The following DSE variants were observed in gnomAD, a reference collection of about 807,000 sequenced individuals.
DSE encodes dermatan sulfate epimerase, also known as dermatan-sulfate epimerase.
A neutral mutation model predicts 84.4 loss-of-function variants in DSE; 36 were observed. The ratio of observed to expected loss-of-function variants is 0.43; its 90% confidence interval spans 0.33 to 0.56. The LOEUF (loss-of-function observed/expected upper bound fraction) is 0.56, where lower values mean the gene tolerates loss of function less well. Among genes scored for constraint, DSE ranks in the 20% least tolerant of loss-of-function variants. The pLI, the probability that DSE is intolerant of heterozygous loss-of-function variation, is 0.06. For missense variants in DSE, 862 were observed against 1,169.6 expected, an observed-to-expected ratio of 0.74 and a Z score of 3.84; for synonymous variants, 410 against 430.1, an observed-to-expected ratio of 0.95 and a Z score of 0.58.
At chr6:116,307,469 A>G (rs1261062372) in intron 2 of DSE, among the ~76,000 whole-genome samples, 1 of 152,246 alleles carries the variant, frequency 6.6e-6, no homozygotes, top group Non-Finnish European at 1.5e-5. Flanking sequence ...AAACATTCTG[A>G]AAAGAACCTT....
intron 2 of DSE, chr6:116,278,387 A>C: frequency 8.3e-7 from 1 of 1,211,484 alleles, no homozygotes; most frequent in East Asian, 2.4e-5. Flanking sequence ...GAATATCCAA[A>C]GGAAACAGGG....
intron 1 of DSE, among the ~76,000 whole-genome samples, chr6:116,388,882 A>G (rs1249104403): frequency 6.6e-6 from 1 of 152,164 alleles, no homozygotes; most frequent in African/African-American, 2.4e-5. Flanking sequence ...TATTTAGCTG[A>G]AAGTTATAAA....
At chr6:116,313,128 C>T (rs753370054) in intron 2 of DSE, among the ~76,000 whole-genome samples, 5 of 152,058 alleles carry the variant, frequency 3.3e-5, no homozygotes, top group South Asian at 2.1e-4. Context: ...ACAGGAAGAA[C>T]GCCATGTAAA....
At chr6:116,320,641 G>A (rs563439701) in intron 2 of DSE, among the ~76,000 whole-genome samples, 126 of 152,188 alleles carry the variant, frequency 8.3e-4, no homozygotes, top group Non-Finnish European at 1.0e-3. Context: ...TCAAGATCAA[G>A]GTACCAGCAG....
At chr6:116,424,328 G>A (rs1315200855) in intron 2 of DSE, among the ~76,000 whole-genome samples, 1 of 152,194 alleles carries the variant, frequency 6.6e-6, no homozygotes, top group Non-Finnish European at 1.5e-5. Context: ...ACACACACTG[G>A]CAAGCTGACT....
At chr6:116,418,927 A>G (rs1051189012) in intron 2 of DSE, among the ~76,000 whole-genome samples, 2 of 152,242 alleles carry the variant, frequency 1.3e-5, no homozygotes, top group Admixed American at 1.3e-4. Flanking sequence ...AGAAGATGAA[A>G]TGACACAATG....
At chr6:116,409,527 C>T (rs1782174257) in intron 2 of DSE, among the ~76,000 whole-genome samples, 1 of 152,158 alleles carries the variant, frequency 6.6e-6, no homozygotes, top group African/African-American at 2.4e-5. Context: ...GATCCGCCCA[C>T]CTTGGCCTCC....
chr6:116,289,022 A>G (rs1399714926), intron 2 of DSE, among the ~76,000 whole-genome samples: 1 of 152,038 alleles, frequency 6.6e-6, no homozygotes, highest in Non-Finnish European at 1.5e-5. Flanking sequence ...GATAATCCAA[A>G]TATTATGTTG....
chr6:116,385,315 G>A (rs958344401), intron 1 of DSE, among the ~76,000 whole-genome samples: 3 of 152,136 alleles, frequency 2.0e-5, no homozygotes, highest in Non-Finnish European at 4.4e-5. Context: ...CTCTGAATTA[G>A]GATTGAACAG....
chr6:116,387,328 T>A (rs1350293098), intron 1 of DSE, among the ~76,000 whole-genome samples: 1 of 151,778 alleles, frequency 6.6e-6, no homozygotes, highest in Non-Finnish European at 1.5e-5. Context: ...GGTGAGAAAA[T>A]TGGAATGAAA....
chr6:116,258,349 C>T, intron 1 of DSE: 1 of 583,600 alleles, frequency 1.7e-6, no homozygotes, highest in Non-Finnish European at 3.1e-6. Context: ...TTTATAACTC[C>T]CTTTTCCTTT....
intron 2 of DSE, 147 bp downstream of exon 2, chr6:116,399,813 T>A: frequency 1.4e-6 from 1 of 734,242 alleles, no homozygotes; most frequent in Non-Finnish European, 2.2e-6. Flanking sequence ...GTTGCCAGTC[T>A]TATGAATGGC....
chr6:116,425,609 A>ATTTTTAT lies in DSE; in HGVS notation c.417-962_417-961insTTATTTT, dbSNP rs144275682. On this transcript the variant is annotated intron_variant, in intron 2 of 5. Transcript: ENST00000644252. ...GTAATTCTTTTTTTTATTTTATTTT[A>ATTTTTAT]TTTATTTTTATTTTATTTTATTTTT... Among the ~76,000 whole-genome samples, 4 of 83,080 alleles carry ATTTTTAT rather than the reference A, an allele frequency of 4.8e-5. 1 individual carries two copies. The highest frequency in any genetic ancestry group is 6.4e-5 in the Non-Finnish European group (2 of 31,016). 54.5% of individuals were successfully genotyped at this position (83,080 alleles called of 152,430 possible).
upstream of DSE, chr6:116,369,824 G>C (rs80203839): frequency 1.3e-3 from 1,359 of 1,062,460 alleles, 12 homozygotes; most frequent in African/African-American, 0.021. Context: ...TGGCCAAATA[G>C]AAGTGAGAAC....
chr6:116,413,055 G>T (rs1053593531), intron 2 of DSE, among the ~76,000 whole-genome samples: 1 of 152,108 alleles, frequency 6.6e-6, no homozygotes, highest in Non-Finnish European at 1.5e-5. Flanking sequence ...TGCCTGCCTA[G>T]TATTCCATAA....
In DSE at chr6:116,435,911, C is replaced by T; in HGVS notation, c.1443C>T (p.Asn481=). ...ACGGGCCAAAGTACACCTTCTTCAA[C>T]AATGTTTTGATGTTTTCCCCAGCTG... ...ALYGPKYTFF[N]NVLMFSPAVS... Residue 481 remains asparagine (N), a synonymous_variant, in exon 6 of 6, where the codon AAC becomes AAT. Transcript: ENST00000644252. 6.2e-7 allele frequency: 1 copy of T among 1,614,122 alleles called. No individual in the cohort carries two copies. Among genetic ancestry groups the T allele is most frequent in the Non-Finnish European group, 8.5e-7 (1 of 1,180,016 alleles).
In DSE at chr6:116,393,968, G is replaced by A. The variant is rs549422712; in HGVS notation, c.-53-5230G>A. On this transcript the variant is annotated intron_variant, in intron 1 of 5. Coordinates refer to ENST00000644252, the MANE Select transcript of DSE (RefSeq NM_013352.4). ...TTTAGTGTTCAGTTTTTTCTTCTCA[G>A]CATATTCTTCTGTGCTTTCTTTGTG... 5.3e-5 allele frequency among the ~76,000 whole-genome samples: 8 copies of A among 152,196 alleles called. No homozygotes were observed. The South Asian group carries it at 1.7e-3, about 32-fold the overall frequency.
At chr6:116,287,054 T>G (rs895943308) in intron 2 of DSE, among the ~76,000 whole-genome samples, 7 of 152,122 alleles carry the variant, frequency 4.6e-5, no homozygotes, top group Non-Finnish European at 1.0e-4. Flanking sequence ...AGAAAGAATA[T>G]GTGCTGTTTG....
intron 2 of DSE, among the ~76,000 whole-genome samples, chr6:116,275,106 G>A (rs1261263263): frequency 6.6e-6 from 1 of 152,184 alleles, no homozygotes; most frequent in Non-Finnish European, 1.5e-5. Flanking sequence ...TCAAAATCCA[G>A]TGTGAATTTT....
Sources: gnomAD v4.1 joint callset for allele counts (sites outside exome capture counted in the v4.1 genomes callset) on GRCh38, gnomAD v4.1.1 for gene constraint, MANE v1.5 for transcripts, NCBI Gene and HGNC (gene_info 2026-07-23, HGNC 2026-07-21) for gene names.